Variants in LDB2 observed in about 807,000 individuals in gnomAD.
LDB2 encodes LIM domain binding 2.
LDB2 carries 12 observed loss-of-function variants against 44.3 expected under a neutral mutation model. That is an observed-to-expected ratio of 0.27 (90% CI 0.17 to 0.44). The LOEUF is 0.44. Among genes scored for constraint, LDB2 ranks in the 20% least tolerant of loss-of-function variants. The pLI is 1.00. For synonymous variants in LDB2, 164 were observed against 174.8 expected, an observed-to-expected ratio of 0.94 and a Z score of 0.49; for missense variants, 344 against 473.5, an observed-to-expected ratio of 0.73 and a Z score of 2.54.
intron 5 of LDB2, among the ~76,000 whole-genome samples, chr4:16,547,385 G>A (rs964207252): frequency 6.6e-6 from 1 of 152,158 alleles, no homozygotes; most frequent in African/African-American, 2.4e-5. Flanking sequence ...AAACCATGAG[G>A]TGTGGTAATT....
At chr4:16,868,182 C>G (rs34228867) in intron 1 of LDB2, among the ~76,000 whole-genome samples, 44,037 of 151,870 alleles carry the variant, frequency 0.29, 6,938 homozygotes, top group East Asian at 0.68. Flanking sequence ...TTTACTTTTG[C>G]GTCAGTTGAG....
At chr4:16,858,059 T>A (rs1225439813) in intron 1 of LDB2, among the ~76,000 whole-genome samples, 1 of 152,146 alleles carries the variant, frequency 6.6e-6, no homozygotes, top group Non-Finnish European at 1.5e-5. Flanking sequence ...AATTACTGAT[T>A]ATTTGATTAT....
intron 1 of LDB2, among the ~76,000 whole-genome samples, chr4:16,847,808 G>T (rs1787380438): frequency 1.3e-5 from 2 of 152,162 alleles, no homozygotes. Flanking sequence ...TGTAGAGACG[G>T]GGTTTTACCA....
At chr4:16,757,902 T>C (rs1333145144) in intron 2 of LDB2, among the ~76,000 whole-genome samples, 1 of 152,120 alleles carries the variant, frequency 6.6e-6, no homozygotes, top group Non-Finnish European at 1.5e-5. Context: ...AAACAGCCCA[T>C]TTTCTGATAT....
In LDB2 at chr4:16,502,485, A is replaced by AAAAG. The variant is rs1244679258; in HGVS notation, c.*154_*157dup. 1 of 1,118,536 alleles carries AAAAG rather than the reference A, an allele frequency of 8.9e-7. No homozygotes were observed. Among genetic ancestry groups the AAAAG allele is most frequent in the East Asian group, 2.4e-5 (1 of 41,580 alleles). 69.3% of individuals were successfully genotyped at this position (1,118,536 alleles called of 1,614,324 possible). On this transcript the variant is annotated 3_prime_UTR_variant, in exon 8 of 8. Coordinates refer to ENST00000304523, the MANE Select transcript of LDB2 (RefSeq NM_001290.5). ...TGGGAATAATCCTCTCAATTAGAAA[A>AAAAG]AAAGAAAGAAGAAAGAAAATCAGAT... is the stretch of plus-strand genomic sequence containing the variant.
At chr4:16,537,599 G>C (rs1232127750) in intron 5 of LDB2, among the ~76,000 whole-genome samples, 1 of 152,108 alleles carries the variant, frequency 6.6e-6, no homozygotes, top group African/African-American at 2.4e-5. Flanking sequence ...TTATCTGTGG[G>C]CACAAATTAC....
chr4:16,801,852 G>A (rs1777898929), intron 1 of LDB2, among the ~76,000 whole-genome samples: 1 of 152,114 alleles, frequency 6.6e-6, no homozygotes, highest in African/African-American at 2.4e-5. Context: ...GGTGCTTTCA[G>A]GAAAGAGGCA....
chr4:16,715,542 C>T (rs1012108179), intron 2 of LDB2, among the ~76,000 whole-genome samples: 2 of 152,164 alleles, frequency 1.3e-5, no homozygotes, highest in Non-Finnish European at 2.9e-5. Context: ...ATTCAAGACA[C>T]TAAGGATCAG....
intron 2 of LDB2, among the ~76,000 whole-genome samples, chr4:16,608,718 GGGGGACT>G (rs1216245497): frequency 6.6e-6 from 1 of 152,134 alleles, no homozygotes; most frequent in East Asian, 1.9e-4. Context: ...ACCTTTCAGT[GGGGGACT>G]GGGGCTCCAT....
intron 5 of LDB2, among the ~76,000 whole-genome samples, chr4:16,516,439 C>A (rs2152257280): frequency 6.6e-6 from 1 of 152,306 alleles, no homozygotes; most frequent in East Asian, 1.9e-4. Flanking sequence ...AAGCATTCTG[C>A]TCGGTGCTGG....
chr4:16,613,586 C>A (rs1726270745), intron 2 of LDB2, among the ~76,000 whole-genome samples: 1 of 152,142 alleles, frequency 6.6e-6, no homozygotes, highest in East Asian at 1.9e-4. Flanking sequence ...GATACAAAAT[C>A]AATGTGCAAA....
At chr4:16,760,840 G>C (rs972565427) in intron 1 of LDB2, among the ~76,000 whole-genome samples, 1 of 152,160 alleles carries the variant, frequency 6.6e-6, no homozygotes, top group African/African-American at 2.4e-5. Flanking sequence ...ACCCTATTCG[G>C]AAGACTGGAT....
intron 2 of LDB2, among the ~76,000 whole-genome samples, chr4:16,629,438 G>C (rs1287232570): frequency 6.6e-6 from 1 of 152,120 alleles, no homozygotes; most frequent in Non-Finnish European, 1.5e-5. Context: ...GGAAGGATCA[G>C]ACAACAATAT....
intron 2 of LDB2, among the ~76,000 whole-genome samples, chr4:16,615,479 A>G (rs1482988546): frequency 6.6e-6 from 1 of 152,220 alleles, no homozygotes; most frequent in African/African-American, 2.4e-5. Context: ...GCTGGAAGCC[A>G]TCAACCTCAG....
In LDB2 at chr4:16,674,787, G is replaced by GCACA. The variant is rs34491459; in HGVS notation, c.236-78916_236-78913dup. Among the ~76,000 whole-genome samples, 447 of 150,700 alleles carry GCACA rather than the reference G, an allele frequency of 3.0e-3. 1 individual carries two copies. The highest frequency in any genetic ancestry group is 0.01 in the African/African-American group (427 of 41,090). ...TTAAAGAAAGAAAAATCTACCGAAAGCACACACACACACACACACATATAC... is the reference window on the plus strand; with the variant it reads ...TTAAAGAAAGAAAAATCTACCGAAAGCACACACACACACACACACACACATATAC... On this transcript the variant is annotated intron_variant, in intron 2 of 7. Coordinates refer to ENST00000304523, the MANE Select transcript of LDB2 (RefSeq NM_001290.5).
intron 2 of LDB2, among the ~76,000 whole-genome samples, chr4:16,659,579 T>C (rs1344713756): frequency 1.4e-5 from 2 of 146,648 alleles, no homozygotes; most frequent in African/African-American, 5.4e-5. Context: ...TGAACACTCC[T>C]AAAGGAAAAA....
At chr4:16,787,931 C>G (rs2109552511) in intron 1 of LDB2, among the ~76,000 whole-genome samples, 1 of 132,680 alleles carries the variant, frequency 7.5e-6, no homozygotes, top group South Asian at 2.7e-4. Flanking sequence ...CTTCCCACTA[C>G]TTAAGAATAA....
intron 1 of LDB2, among the ~76,000 whole-genome samples, chr4:16,769,169 A>G (rs1242433173): frequency 6.6e-6 from 1 of 152,348 alleles, no homozygotes; most frequent in East Asian, 1.9e-4. Flanking sequence ...AAGACACACA[A>G]ATAAAAGTAA....
intron 5 of LDB2, among the ~76,000 whole-genome samples, chr4:16,580,983 T>C (rs1279012599): frequency 1.3e-5 from 2 of 152,184 alleles, no homozygotes; most frequent in Non-Finnish European, 2.9e-5. Context: ...AAGAATTTCA[T>C]ATTAGAAATT....
Sources: gnomAD v4.1 joint callset for allele counts (sites outside exome capture counted in the v4.1 genomes callset) on GRCh38, gnomAD v4.1.1 for gene constraint, MANE v1.5 for transcripts, NCBI Gene and HGNC (gene_info 2026-07-23, HGNC 2026-07-21) for gene names.